The following PGM3 variants were observed in gnomAD, a reference collection of about 807,000 sequenced individuals.
PGM3 encodes phosphoacetylglucosamine mutase.
PGM3 carries 40 observed loss-of-function variants against 66.2 expected under a neutral mutation model. The ratio of observed to expected loss-of-function variants is 0.60; its 90% CI spans 0.47 to 0.79. PGM3 has a LOEUF of 0.79. Ranked by LOEUF, PGM3 falls within the 30% of genes least tolerant of loss-of-function variation. The probability of loss-of-function intolerance (pLI) is 0.00; values close to 1 mark genes in which losing one functional copy is unlikely to be tolerated. For synonymous variants in PGM3, 191 were observed against 224.2 expected, an observed-to-expected ratio of 0.85 and a Z score of 1.32; for missense variants, 537 against 643.4, an observed-to-expected ratio of 0.83 and a Z score of 1.79.
the PGM3 span, chr6:83,153,792 T>C: frequency 7.7e-7 from 1 of 1,294,858 alleles, no homozygotes; most frequent in Non-Finnish European, 1.1e-6. Flanking sequence ...CTATTTCATA[T>C]CTTCATGTCA....
In PGM3 at chr6:83,179,821, G is replaced by T; in HGVS notation, c.934C>A (p.Leu312Ile). Residue 312 changes from leucine (L) to isoleucine (I), a missense_variant, in exon 7 of 13, where the codon CTC becomes ATC. Coordinates refer to ENST00000513973, the MANE Select transcript of PGM3 (RefSeq NM_015599.3). ...TCCCCCCACCATACCTCCACCAGGA[G>T]CTCTTTAAGGAAACTGCTAATTAAC... ...ATLISSFLKE[L>I]LVEIGESLNI... 1 of 1,608,470 alleles carries T rather than the reference G, an allele frequency of 6.2e-7. No homozygotes were observed. Among genetic ancestry groups the T allele is most frequent in the Middle Eastern group, 1.7e-4 (1 of 6,054 alleles).
downstream of PGM3, chr6:83,156,175 AT>A (rs750043785): frequency 5.9e-5 from 75 of 1,272,298 alleles, no homozygotes; most frequent in Non-Finnish European, 7.6e-5. Flanking sequence ...ACTTCTCTAA[AT>A]ACTAAGTTGG....
At chr6:83,151,564 C>T in the PGM3 span, 3 of 1,560,576 alleles carry the variant, frequency 1.9e-6, no homozygotes, top group African/African-American at 1.4e-5. Context: ...TGATATTTCC[C>T]GTTTCTGTTT....
chr6:83,180,010 T>G (rs1562421676), intron 6 of PGM3, 43 bp from the exon 7 acceptor site: 1 of 1,467,082 alleles, frequency 6.8e-7, no homozygotes, highest in East Asian at 2.3e-5. Context: ...GTCTAAGAAT[T>G]TATTATAAAG....
At position 83,167,962 on chromosome 6, in the gene PGM3, C is replaced by T; in HGVS notation, c.*1272G>A. 1 of 1,614,136 alleles carries T rather than the reference C, an allele frequency of 6.2e-7. No individual in the cohort carries two copies. The highest frequency in any genetic ancestry group is 8.5e-7 in the Non-Finnish European group (1 of 1,180,026). On this transcript the variant is annotated 3_prime_UTR_variant, in exon 13 of 13. Transcript: ENST00000513973. Reference sequence around the variant, plus strand: ...GTGCGCAGTATGGAGCAGCTCCTGCCGTTCTTCAATGTGCTCAGTCAAGTC... The same window carrying T: ...GTGCGCAGTATGGAGCAGCTCCTGCTGTTCTTCAATGTGCTCAGTCAAGTC...
chr6:83,158,822 C>T (rs932756998), downstream of PGM3, among the ~76,000 whole-genome samples: 5 of 152,194 alleles, frequency 3.3e-5, no homozygotes. Context: ...ATTCATTGCC[C>T]TGGGCCCCTA....
At chr6:83,182,002 A>T in intron 5 of PGM3, 71 bp from the exon 6 acceptor site, 2 of 859,728 alleles carry the variant, frequency 2.3e-6, no homozygotes, top group Non-Finnish European at 3.5e-6. Flanking sequence ...TAAAGCATAT[A>T]TACATATGTG....
intron 2 of PGM3, among the ~76,000 whole-genome samples, chr6:83,189,446 C>G (rs1355671207): frequency 6.6e-6 from 1 of 152,194 alleles, no homozygotes; most frequent in African/African-American, 2.4e-5. Context: ...ATGTGAGGGT[C>G]TTCCTAGAAG....
At chr6:83,164,635 T>C (rs764798109), downstream of PGM3, 1 of 1,557,386 alleles carries the variant, frequency 6.4e-7, no homozygotes, top group East Asian at 2.4e-5. Context: ...ACAAAGGCTG[T>C]GAGTTCTCCT....
chr6:83,175,675 G>A (rs775301617), intron 9 of PGM3, among the ~76,000 whole-genome samples: 3 of 151,878 alleles, frequency 2.0e-5, no homozygotes, highest in Non-Finnish European at 2.9e-5. Context: ...ATGGCCAGCC[G>A]GAAAATGCAT....
rs1333525216 is a variant in PGM3, at chr6:83,166,578, T to A, written c.*2656A>T. 1.6e-6 allele frequency: 1 copy of A among 628,038 alleles called. No individual in the cohort carries two copies. The highest frequency in any genetic ancestry group is 1.8e-5 in the African/African-American group (1 of 54,642). The allele number at this position is 628,038 out of a possible 1,614,324, so 38.9% of individuals were successfully genotyped here. A position where few individuals can be genotyped will look rare whatever the true frequency, so the allele number is the denominator to read the frequency against. On this transcript the variant is annotated 3_prime_UTR_variant, in exon 13 of 13. Coordinates refer to ENST00000513973, the MANE Select transcript of PGM3 (RefSeq NM_015599.3). ...ATTAGCAAAAAAAAAGTGAGAAATA[T>A]GCTTAAAATGATGTATAACATAACC...
At position 83,166,436 on chromosome 6, in the gene PGM3, ATGT is replaced by A; in HGVS notation, c.*2795_*2797del. ...AGTTCCTGGGCCAAATGCATTGTTGATGTTGTGTGTTGTCTCTGCTGCTTTATA... is the reference window on the plus strand; with the variant it reads ...AGTTCCTGGGCCAAATGCATTGTTGATGTGTGTTGTCTCTGCTGCTTTATA... On this transcript the variant is annotated 3_prime_UTR_variant, in exon 13 of 13. Transcript: ENST00000513973. 8.5e-6 allele frequency: 6 copies of A among 701,898 alleles called. No individual in the cohort carries two copies. Among genetic ancestry groups the A allele is most frequent in the Non-Finnish European group, 1.6e-5 (6 of 384,654 alleles). 43.5% of individuals were successfully genotyped at this position (701,898 alleles called of 1,614,324 possible). A position where few individuals can be genotyped will look rare whatever the true frequency, so the allele number is the denominator to read the frequency against.
chr6:83,152,365 G>C, the PGM3 span: 1 of 1,476,972 alleles, frequency 6.8e-7, no homozygotes, highest in Non-Finnish European at 9.0e-7. Context: ...ATTACTCTCT[G>C]AGGTAAATAT....
intron 9 of PGM3, among the ~76,000 whole-genome samples, chr6:83,175,016 C>A (rs1787650302): frequency 6.6e-6 from 1 of 152,096 alleles, no homozygotes; most frequent in Non-Finnish European, 1.5e-5. Context: ...AGTCTTATCT[C>A]ATTTGGAAAT....
downstream of PGM3, among the ~76,000 whole-genome samples, chr6:83,160,851 A>G (rs565240857): frequency 9.2e-5 from 14 of 152,136 alleles, no homozygotes; most frequent in African/African-American, 3.1e-4. Flanking sequence ...TCTCTTTTTT[A>G]TTTGGACATG....
chr6:83,148,754 T>G, the PGM3 span: 6 of 1,536,022 alleles, frequency 3.9e-6, no homozygotes, highest in Non-Finnish European at 5.2e-6. Context: ...TATATTATCT[T>G]GCAGAATTCC....
chr6:83,189,304 T>A (rs1177062925), intron 2 of PGM3, among the ~76,000 whole-genome samples: 4 of 152,092 alleles, frequency 2.6e-5, no homozygotes, highest in African/African-American at 9.7e-5. Context: ...AACCAGCGGG[T>A]AGGACAGACA....
chr6:83,181,654 T>C, intron 6 of PGM3, 82 bp downstream of exon 6: 2 of 938,896 alleles, frequency 2.1e-6, no homozygotes, highest in Admixed American at 4.9e-5. Flanking sequence ...GATTCTTAAC[T>C]CACTTTACCA....
intron 10 of PGM3, 56 bp from the exon 11 acceptor site, chr6:83,172,115 T>A: frequency 6.3e-7 from 1 of 1,587,286 alleles, no homozygotes; most frequent in Non-Finnish European, 8.6e-7. Flanking sequence ...ATCTTGGAAA[T>A]GGATGTTTTT....
Sources: gnomAD v4.1 joint callset for allele counts (sites outside exome capture counted in the v4.1 genomes callset) on GRCh38, gnomAD v4.1.1 for gene constraint, MANE v1.5 for transcripts, NCBI Gene and HGNC (gene_info 2026-07-23, HGNC 2026-07-21) for gene names.